Variants in CATSPERG observed in about 807,000 individuals in gnomAD.
The protein encoded by CATSPERG is catsper channel auxiliary subunit gamma.
CATSPERG carries 115 observed loss-of-function variants against 145.0 expected under a neutral mutation model. The observed-to-expected ratio is 0.79, with a 90% CI of 0.68 to 0.93. The LOEUF (loss-of-function observed/expected upper bound fraction) is 0.93. CATSPERG is among the 40% of genes least tolerant of loss of function. The pLI is 0.00. For synonymous variants in CATSPERG, 588 were observed against 589.0 expected (o/e 1.00, Z 0.02); for missense variants, 1,296 against 1,490.1 (o/e 0.87, Z 2.14).
At chr19:38,343,921 C>T (rs1275152099) in intron 4 of CATSPERG, 72 bp from the exon 5 acceptor site, 9 of 1,527,410 alleles carry the variant, frequency 5.9e-6, no homozygotes, top group Non-Finnish European at 7.9e-6. Flanking sequence ...GGGGAGATCC[C>T]AGGGTGGTCT....
At chr19:38,337,114 C>A (rs1600437191) in intron 1 of CATSPERG, 107 bp from the exon 2 acceptor site, 3 of 1,339,132 alleles carry the variant, frequency 2.2e-6, no homozygotes, top group Non-Finnish European at 2.0e-6. Flanking sequence ...AGAGCCGGGG[C>A]GTGGCCAGGA....
chr19:38,360,924 A>T, intron 16 of CATSPERG, 81 bp downstream of exon 16: 1 of 1,185,840 alleles, frequency 8.4e-7, no homozygotes, highest in Non-Finnish European at 1.2e-6. Flanking sequence ...GAGAGAGGGG[A>T]GACCGAGCTA....
rs1037196925 is a variant in CATSPERG at position 38,362,335 on chromosome 19, AC to A, written c.2158-36del. 4 of 1,612,922 alleles carry A rather than the reference AC, an allele frequency of 2.5e-6. No homozygotes were observed. The African/African-American group carries it at 5.4e-5, about 22-fold the overall frequency. On this transcript the variant is annotated intron_variant, in intron 18 of 28. Coordinates refer to ENST00000409235, the MANE Select transcript of CATSPERG (RefSeq NM_021185.5). ...GCCCGGACACCCCTCACCGTGCCCC[AC>A]CCCCGGCGCTGACTCTGCCCCGCGC... is the stretch of plus-strand genomic sequence containing the variant.
intron 22 of CATSPERG, 59 bp from the exon 23 acceptor site, chr19:38,367,097 C>T: frequency 6.6e-7 from 1 of 1,504,514 alleles, no homozygotes. Flanking sequence ...GCCCCTTACC[C>T]CTCCAGGGGC....
Position 38,365,122 on chromosome 19 carries a change from T to C in CATSPERG, c.2613+5T>C. 2 of 1,613,256 alleles carry C rather than the reference T, an allele frequency of 1.2e-6. No homozygotes were observed. Among genetic ancestry groups the C allele is most frequent in the Non-Finnish European group, 1.7e-6 (2 of 1,179,870 alleles). Reference sequence around the variant, plus strand: ...CACCTGGGGCCCCATATGCAAGTATTGGAGCTTGGGATACTGGGCCCTGGG... The same window carrying C: ...CACCTGGGGCCCCATATGCAAGTATCGGAGCTTGGGATACTGGGCCCTGGG... On this transcript the variant is annotated splice_donor_5th_base_variant and intron_variant, in intron 22 of 28. Transcript: ENST00000409235.
At chr19:38,340,424 G>A (rs1377523266) in intron 3 of CATSPERG, among the ~76,000 whole-genome samples, 2 of 151,476 alleles carry the variant, frequency 1.3e-5, no homozygotes, top group African/African-American at 2.4e-5. Context: ...GGGTTCAAGC[G>A]ATTCTCCTGC....
intron 6 of CATSPERG, among the ~76,000 whole-genome samples, chr19:38,344,851 G>A (rs1275246641): frequency 2.9e-5 from 3 of 102,544 alleles, no homozygotes; most frequent in African/African-American, 1.1e-4. Context: ...ACCTGTACAT[G>A]AACAGACACA....
At position 38,366,935 on chromosome 19, in the gene CATSPERG, C is replaced by G; in HGVS notation, c.2614-221C>G. 5.5e-6 allele frequency: 3 copies of G among 545,422 alleles called. No homozygotes were observed. The South Asian group carries it at 7.4e-5, about 13-fold the overall frequency. The allele number at this position is 545,422 out of a possible 1,614,324, so 33.8% of individuals were successfully genotyped here. On this transcript the variant is annotated intron_variant, in intron 22 of 28. Coordinates refer to ENST00000409235, the MANE Select transcript of CATSPERG (RefSeq NM_021185.5). ...TCTCGAACTCCTGGACTCAAGTGATCAGCCCGCCTCGGCCTCCCGAAGTTC... is the reference window on the plus strand; with the variant it reads ...TCTCGAACTCCTGGACTCAAGTGATGAGCCCGCCTCGGCCTCCCGAAGTTC...
intron 3 of CATSPERG, among the ~76,000 whole-genome samples, chr19:38,341,370 C>T (rs1969935754): frequency 6.6e-6 from 1 of 152,198 alleles, no homozygotes; most frequent in South Asian, 2.1e-4. Flanking sequence ...TTAGTGGCTA[C>T]TGTCATCCTC....
intron 3 of CATSPERG, among the ~76,000 whole-genome samples, chr19:38,341,144 T>C (rs1045959852): frequency 1.3e-5 from 2 of 151,612 alleles, no homozygotes; most frequent in African/African-American, 4.9e-5. Flanking sequence ...AGGGAAGTGA[T>C]GGGGGAAGGT....
chr19:38,363,836 C>G (rs1970396821), intron 20 of CATSPERG, among the ~76,000 whole-genome samples: 1 of 152,256 alleles, frequency 6.6e-6, no homozygotes, highest in African/African-American at 2.4e-5. Flanking sequence ...CAGTACAAAA[C>G]AAAATGAAAA....
In CATSPERG at chr19:38,343,594, G is replaced by C; in HGVS notation, c.339G>C (p.Leu113=). The change falls in exon 4 of 29, where the codon CTG becomes CTC. Residue 113 remains leucine, a synonymous_variant. Coordinates refer to ENST00000409235, the MANE Select transcript of CATSPERG (RefSeq NM_021185.5). ...CTCACCCTCAGCCCTCTGAGGACCT[G>C]GTGCGCATGGGCCACCTGACGGGGC... ...YSCEEKPSED[L]VRMGHLTGLK... The C allele has an allele frequency of 6.5e-7, 1 of 1,550,058 alleles. No homozygotes were observed. The highest frequency in any genetic ancestry group is 2.4e-5 in the East Asian group (1 of 40,906).
rs374291660 is a variant in CATSPERG at position 38,339,310 on chromosome 19, T to C, written c.324+1664T>C. On this transcript the variant is annotated intron_variant, in intron 3 of 28. Transcript: ENST00000409235. ...CCAGAGCCATGAGCCCTGGATTCTA[T>C]CGAGGCCATGAGGGATTTTATGCCC... 9.2e-5 allele frequency among the ~76,000 whole-genome samples: 14 copies of C among 152,170 alleles called. 1 individual carries two copies. Among genetic ancestry groups the C allele is most frequent in the Admixed American group, 6.5e-4 (10 of 15,272 alleles).
In CATSPERG at chr19:38,352,353, C is replaced by A. The variant is rs1568375960; in HGVS notation, c.918C>A (p.Thr306=). 2 of 1,551,844 alleles carry A rather than the reference C, an allele frequency of 1.3e-6. No homozygotes were observed. The highest frequency in any genetic ancestry group is 4.9e-5 in the East Asian group (2 of 40,914). Reference sequence around the variant, plus strand: ...ATGACACTATTGCCACCGAGAGCACCCTCTTCATTCGGCAGAACCAGCTGG... The same window carrying A: ...ATGACACTATTGCCACCGAGAGCACACTCTTCATTCGGCAGAACCAGCTGG... The part of the protein sequence containing the change: ...TIYDTIATES[T]LFIRQNQLVY... The change falls in exon 8 of 29, where the codon ACC becomes ACA. Residue 306 remains threonine (T), a synonymous_variant. Coordinates refer to ENST00000409235, the MANE Select transcript of CATSPERG (RefSeq NM_021185.5).
At position 38,364,304 on chromosome 19, in the gene CATSPERG, C is replaced by T. The variant is rs962045260; in HGVS notation, c.2476-587C>T. ...CTCAGACAGGGCGGCTGGGCAGAGA[C>T]GCTCCTCACCTCCCAGATGGGGTCG... On this transcript the variant is annotated intron_variant, in intron 20 of 28. Transcript: ENST00000409235. Among the ~76,000 whole-genome samples the T allele has an allele frequency of 4.6e-5, 7 of 151,606 alleles. No individual in the cohort carries two copies. In the South Asian group the frequency reaches 6.2e-4, roughly 14 times the overall value.
chr19:38,346,353 G>A, intron 6 of CATSPERG, 97 bp from the exon 7 acceptor site: 2 of 1,148,468 alleles, frequency 1.7e-6, no homozygotes, highest in Non-Finnish European at 1.2e-6. Context: ...AAATCGCGTG[G>A]GGCCTTGTGG....
At chr19:38,342,730 G>C (rs947987297) in intron 3 of CATSPERG, among the ~76,000 whole-genome samples, 4 of 151,828 alleles carry the variant, frequency 2.6e-5, no homozygotes, top group African/African-American at 9.7e-5. Context: ...AGCAACCAAG[G>C]CCTCCCCTTG....
chr19:38,364,895 C>A lies in CATSPERG; in HGVS notation c.2480C>A (p.Thr827Lys). ...INRNSVLFSI[T>K]LKDKKLCYDQ... ...TCTCCCCTCCTTCAACCCCAGATTA[C>A]GCTCAAGGATAAAAAGCTTTGCTAT... Residue 827 changes from threonine (T) to lysine (K), a missense_variant, in exon 21 of 29, where the codon ACG (threonine) becomes AAG (lysine). Thr to Lys is a moderately conservative substitution (Grantham distance 78, BLOSUM62 -1). Transcript: ENST00000409235. 6.2e-7 allele frequency: 1 copy of A among 1,613,068 alleles called. No homozygotes were observed. Among genetic ancestry groups the A allele is most frequent in the Non-Finnish European group, 8.5e-7 (1 of 1,178,972 alleles).
intron 1 of CATSPERG, 188 bp from the exon 2 acceptor site, chr19:38,337,033 G>A (rs1017132329): frequency 2.9e-6 from 2 of 682,694 alleles, no homozygotes; most frequent in Admixed American, 5.8e-5. Flanking sequence ...CTAAAAGTCC[G>A]TGCGGGGGCA....
Sources: gnomAD v4.1 joint callset for allele counts (sites outside exome capture counted in the v4.1 genomes callset) on GRCh38, gnomAD v4.1.1 for gene constraint, MANE v1.5 for transcripts, NCBI Gene and HGNC (gene_info 2026-07-23, HGNC 2026-07-21) for gene names.